CUTC: variants seen among roughly 807,000 people sequenced by gnomAD.
The protein encoded by CUTC is cutC copper transporter.
CUTC carries 27 observed loss-of-function variants against 36.2 expected under a neutral mutation model. The ratio of observed to expected loss-of-function variants is 0.75; its 90% CI spans 0.55 to 1.03. The LOEUF is 1.03. Among genes scored for constraint, CUTC ranks in the 50% least tolerant of loss-of-function variants. The pLI, the probability that CUTC is intolerant of heterozygous loss-of-function variation, is 0.00. For synonymous variants in CUTC, 114 were observed against 118.3 expected (o/e 0.96, Z 0.24); for missense variants, 315 against 343.5 (o/e 0.92, Z 0.66).
intron 7 of CUTC, among the ~76,000 whole-genome samples, chr10:99,753,119 C>A (rs530487494): frequency 2.6e-5 from 4 of 152,152 alleles, no homozygotes; most frequent in Non-Finnish European, 4.4e-5. Context: ...CTGTGTTAGT[C>A]TGAGTCTGGA....
intron 5 of CUTC, among the ~76,000 whole-genome samples, chr10:99,745,387 C>G (rs909550621): frequency 6.6e-6 from 1 of 152,194 alleles, no homozygotes. Flanking sequence ...CCTACATACA[C>G]TAAAGGGTGA....
At chr10:99,743,978 T>C in intron 4 of CUTC, 59 bp from the exon 5 acceptor site, 3 of 1,400,446 alleles carry the variant, frequency 2.1e-6, no homozygotes, top group Non-Finnish European at 3.0e-6. Context: ...GAGAATTCTA[T>C]ATATAGTAAT....
At chr10:99,745,542 T>A (rs1211586696) in intron 5 of CUTC, among the ~76,000 whole-genome samples, 1 of 152,150 alleles carries the variant, frequency 6.6e-6, no homozygotes, top group Non-Finnish European at 1.5e-5. Flanking sequence ...TTGAGGGCTC[T>A]GAGGAGGGGA....
At chr10:99,749,073 G>A (rs752915028) in intron 6 of CUTC, among the ~76,000 whole-genome samples, 1 of 152,072 alleles carries the variant, frequency 6.6e-6, no homozygotes, top group African/African-American at 2.4e-5. Flanking sequence ...GTAATGTATT[G>A]CATTTCAAAA....
chr10:99,755,506 A>C (rs2037449670), intron 8 of CUTC, 119 bp from the exon 9 acceptor site: 2 of 647,474 alleles, frequency 3.1e-6, no homozygotes, highest in Admixed American at 5.1e-5. Flanking sequence ...ATTATGGAAT[A>C]TACTAGTCCA....
chr10:99,732,570 CGGAG>C, intron 1 of CUTC, 161 bp downstream of exon 1: 5 of 1,439,784 alleles, frequency 3.5e-6, no homozygotes, highest in Non-Finnish European at 4.5e-6. Flanking sequence ...GGTGTGGAAA[CGGAG>C]GGCGTGACGA....
intron 3 of CUTC, among the ~76,000 whole-genome samples, chr10:99,741,078 A>G (rs1004814676): frequency 6.6e-6 from 1 of 152,036 alleles, no homozygotes; most frequent in Non-Finnish European, 1.5e-5. Context: ...AATATATCTT[A>G]TTTTCCTGCC....
intron 1 of CUTC, among the ~76,000 whole-genome samples, chr10:99,733,434 A>C (rs969740285): frequency 2.6e-5 from 4 of 152,188 alleles, no homozygotes; most frequent in African/African-American, 4.8e-5. Context: ...ACAACAACAA[A>C]AAAAGCAAAA....
chr10:99,753,756 G>GA lies in CUTC; in HGVS notation c.602-766dup, dbSNP rs570021823. On this transcript the variant is annotated intron_variant, in intron 7 of 8. Transcript: ENST00000370476. ...TCAGTGATATTACTGTACTACTAAGGAAAAAAAGACAAGTTAATGAGTCTG... is the reference window on the plus strand; with the variant it reads ...TCAGTGATATTACTGTACTACTAAGGAAAAAAAAGACAAGTTAATGAGTCTG... Among the ~76,000 whole-genome samples, 532 of 151,864 alleles carry GA rather than the reference G, an allele frequency of 3.5e-3. 2 individuals carry two copies. Among genetic ancestry groups the GA allele is most frequent in the African/African-American group, 0.012 (482 of 41,470 alleles).
intron 3 of CUTC, among the ~76,000 whole-genome samples, chr10:99,740,605 A>T (rs140487200): frequency 6.6e-6 from 1 of 151,958 alleles, no homozygotes; most frequent in Non-Finnish European, 1.5e-5. Flanking sequence ...GGTGTACCTG[A>T]GTATAGTTTT....
intron 2 of CUTC, among the ~76,000 whole-genome samples, chr10:99,736,676 C>T (rs762138078): frequency 5.3e-5 from 8 of 152,080 alleles, no homozygotes; most frequent in Non-Finnish European, 8.8e-5. Flanking sequence ...CTCAAAGTTT[C>T]TGTTGTACTC....
At chr10:99,734,456 T>A (rs1193606877) in intron 1 of CUTC, among the ~76,000 whole-genome samples, 1 of 152,114 alleles carries the variant, frequency 6.6e-6, no homozygotes, top group East Asian at 1.9e-4. Context: ...AAAGTAAAAA[T>A]TGCTTTTTTA....
chr10:99,739,261 T>A lies in CUTC; in HGVS notation c.134-449T>A, dbSNP rs189851386. Among the ~76,000 whole-genome samples, 4 of 152,322 alleles carry A rather than the reference T, an allele frequency of 2.6e-5. No homozygotes were observed. The East Asian group carries it at 7.7e-4, about 29-fold the overall frequency. On this transcript the variant is annotated intron_variant, in intron 2 of 8. Transcript: ENST00000370476. ...TGGTAGCCTAATAATTCTTTTGGTT[T>A]CAGCATTTTCTTATTCTTGAAATTA...
At position 99,739,699 on chromosome 10, in the gene CUTC, T is replaced by G; in HGVS notation, c.134-11T>G. On this transcript the variant is annotated splice_polypyrimidine_tract_variant and intron_variant, in intron 2 of 8. Transcript: ENST00000370476. ...TTTAAAAATGTGTTGAGCAATGCTT[T>G]TATATTACAGGTGCTGATCGGATTG... 6.2e-7 allele frequency: 1 copy of G among 1,607,898 alleles called. No homozygotes were observed. The highest frequency in any genetic ancestry group is 1.7e-5 in the Admixed American group (1 of 58,684).
intron 1 of CUTC, chr10:99,732,622 G>A (rs894359914): frequency 7.0e-7 from 1 of 1,421,016 alleles, no homozygotes; most frequent in Non-Finnish European, 9.2e-7. Context: ...GTGGAGCCAA[G>A]GTTCGAGTCC....
Position 99,739,789 on chromosome 10 carries a change from A to G in CUTC, c.193+20A>G, listed in dbSNP as rs998059282. On this transcript the variant is annotated intron_variant, in intron 3 of 8. Transcript: ENST00000370476. ...GCATGGGTAAGTGTCCATTTTTCCC[A>G]GGTTTTCTGATTGGAGTTCATAGAG... The G allele has an allele frequency of 2.5e-6, 4 of 1,601,594 alleles. No homozygotes were observed. The highest frequency in any genetic ancestry group is 1.3e-5 in the African/African-American group (1 of 74,304).
rs12571425 is a variant in CUTC, at chr10:99,743,733, A to G, written c.404-304A>G. ...AGAAGCAAACTACCTATGTTACTAA[A>G]CCAAAGTACTTATTGAATGACCTCA... On this transcript the variant is annotated intron_variant, in intron 4 of 8. Transcript: ENST00000370476. 3.3e-4 allele frequency among the ~76,000 whole-genome samples: 51 copies of G among 152,334 alleles called. No homozygotes were observed. In the East Asian group the frequency reaches 9.5e-3, roughly 28 times the overall value.
At chr10:99,741,150 T>G (rs899048506) in intron 3 of CUTC, among the ~76,000 whole-genome samples, 1 of 152,244 alleles carries the variant, frequency 6.6e-6, no homozygotes, top group East Asian at 1.9e-4. Context: ...CTAGACATTT[T>G]TGAATTCCTA....
In CUTC at chr10:99,743,166, A is replaced by G. The variant is rs1475559909; in HGVS notation, c.207A>G (p.Val69=). ...GTTPSMGVLQ[V]VKQSVQIPVF... is the part of the protein sequence containing the mutation. ...CTTTTCTTGTAGGTGTCCTTCAAGT[A>G]GTGAAGCAGAGTGTTCAGATCCCAG... is the stretch of plus-strand genomic sequence containing the variant. The change falls in exon 4 of 9, where the codon GTA becomes GTG. Residue 69 remains valine, a synonymous_variant. Coordinates refer to ENST00000370476, the MANE Select transcript of CUTC (RefSeq NM_015960.3). 6.2e-7 allele frequency: 1 copy of G among 1,614,022 alleles called. No individual in the cohort carries two copies. Among genetic ancestry groups the G allele is most frequent in the African/African-American group, 1.3e-5 (1 of 74,912 alleles).
Sources: gnomAD v4.1 joint callset for allele counts (sites outside exome capture counted in the v4.1 genomes callset) on GRCh38, gnomAD v4.1.1 for gene constraint, MANE v1.5 for transcripts, NCBI Gene and HGNC (gene_info 2026-07-23, HGNC 2026-07-21) for gene names.